MARCHF1: variants seen among roughly 807,000 people sequenced by gnomAD.
MARCHF1 encodes E3 ubiquitin-protein ligase MARCHF1.
Under a neutral mutation model 54.2 loss-of-function variants are expected in MARCHF1, and 40 were observed. The observed-to-expected ratio is 0.74, with a 90% CI of 0.57 to 0.96. The LOEUF (loss-of-function observed/expected upper bound fraction) is 0.96. Ranked by LOEUF, MARCHF1 falls within the 40% of genes least tolerant of loss-of-function variation. The pLI is 0.00. For missense variants in MARCHF1, 586 were observed against 656.5 expected (o/e 0.89, Z 1.17); for synonymous variants, 236 against 236.3 (o/e 1.00, Z 0.01).
chr4:163,579,051 C>T (rs1462909512), intron 8 of MARCHF1, among the ~76,000 whole-genome samples: 1 of 152,120 alleles, frequency 6.6e-6, no homozygotes, highest in South Asian at 2.1e-4. Context: ...TCTGAACAAC[C>T]TACTCTATAA....
At chr4:164,005,414 A>C (rs1022858881) in intron 2 of MARCHF1, among the ~76,000 whole-genome samples, 2 of 152,186 alleles carry the variant, frequency 1.3e-5, no homozygotes, top group African/African-American at 4.8e-5. Context: ...ATACAGCACC[A>C]GGATTTTCAC....
At chr4:163,843,767 A>G (rs1412835526) in intron 4 of MARCHF1, among the ~76,000 whole-genome samples, 2 of 151,348 alleles carry the variant, frequency 1.3e-5, no homozygotes, top group African/African-American at 2.4e-5. Context: ...TTCAGCCCCT[A>G]CTTATAAGTG....
intron 8 of MARCHF1, among the ~76,000 whole-genome samples, chr4:163,582,768 C>CA (rs57140017): frequency 0.47 from 69,882 of 149,968 alleles, 16,433 homozygotes; most frequent in African/African-American, 0.54. Context: ...TTAAAAACTA[C>CA]AAAAAAAAAA....
chr4:163,864,932 T>C (rs906185548), intron 3 of MARCHF1, among the ~76,000 whole-genome samples: 1 of 151,876 alleles, frequency 6.6e-6, no homozygotes, highest in African/African-American at 2.4e-5. Context: ...AAAATAACTA[T>C]GGGAGACTGG....
chr4:163,812,636 T>C (rs1748424715), intron 4 of MARCHF1, among the ~76,000 whole-genome samples: 1 of 152,104 alleles, frequency 6.6e-6, no homozygotes, highest in Non-Finnish European at 1.5e-5. Flanking sequence ...TGCACACTTG[T>C]AATCCCAGCT....
chr4:163,793,956 C>T (rs1258637255), intron 4 of MARCHF1, among the ~76,000 whole-genome samples: 2 of 152,170 alleles, frequency 1.3e-5, no homozygotes, highest in African/African-American at 2.4e-5. Flanking sequence ...GCCCTTCCTT[C>T]TTTAACTCGG....
chr4:163,727,748 T>C (rs190838299), intron 4 of MARCHF1, among the ~76,000 whole-genome samples: 72 of 151,994 alleles, frequency 4.7e-4, no homozygotes, highest in African/African-American at 1.6e-3. Context: ...TCATGGCTCA[T>C]TGCAACCTCA....
chr4:163,836,007 G>A (rs960158586), intron 4 of MARCHF1, among the ~76,000 whole-genome samples: 2 of 151,864 alleles, frequency 1.3e-5, no homozygotes, highest in African/African-American at 2.4e-5. Flanking sequence ...AAAATGAACC[G>A]GACTCAGCTT....
intron 4 of MARCHF1, among the ~76,000 whole-genome samples, chr4:163,801,675 C>G (rs1748084543): frequency 6.6e-6 from 1 of 152,014 alleles, no homozygotes; most frequent in East Asian, 1.9e-4. Context: ...TTTCCCCTTC[C>G]CAGTCAATTC....
chr4:163,741,684 G>T (rs547542818), intron 4 of MARCHF1, among the ~76,000 whole-genome samples: 1 of 152,004 alleles, frequency 6.6e-6, no homozygotes, highest in Non-Finnish European at 1.5e-5. Context: ...TTTCCTTCCC[G>T]TGTCACAGAC....
chr4:163,624,532 T>C (rs779893165), intron 5 of MARCHF1, among the ~76,000 whole-genome samples: 26 of 152,200 alleles, frequency 1.7e-4, no homozygotes, highest in Non-Finnish European at 2.9e-5. Flanking sequence ...TAAAAGTTCT[T>C]GTCCCAGGTT....
chr4:163,947,134 T>A (rs535590852), intron 3 of MARCHF1, among the ~76,000 whole-genome samples: 1 of 152,332 alleles, frequency 6.6e-6, no homozygotes, highest in East Asian at 1.9e-4. Context: ...ATTGGAAAAT[T>A]GTACTTCGTG....
Position 163,833,324 on chromosome 4 carries a change from A to G in MARCHF1, c.111+20697T>C, listed in dbSNP as rs540616124. Among the ~76,000 whole-genome samples, 3 of 152,320 alleles carry G rather than the reference A, an allele frequency of 2.0e-5. No individual in the cohort carries two copies. The South Asian group carries it at 6.2e-4, about 32-fold the overall frequency. ...AGGCATGGGCAAGAACTTCATGTCT[A>G]AAACACCAAAAGCAATGGCAACAAA... is the stretch of plus-strand genomic sequence containing the variant. On this transcript the variant is annotated intron_variant, in intron 4 of 9. Transcript: ENST00000514618.
At chr4:164,064,700 G>A (rs1754690530) in intron 2 of MARCHF1, among the ~76,000 whole-genome samples, 1 of 152,164 alleles carries the variant, frequency 6.6e-6, no homozygotes, top group African/African-American at 2.4e-5. Flanking sequence ...TAGGAGTGGT[G>A]AGAGAAGGCA....
At chr4:163,927,757 G>C (rs1427340155) in intron 3 of MARCHF1, among the ~76,000 whole-genome samples, 1 of 151,696 alleles carries the variant, frequency 6.6e-6, no homozygotes, top group Non-Finnish European at 1.5e-5. Flanking sequence ...TGCACCCAGG[G>C]TTTAATGTGT....
chr4:164,351,414 T>A, intron 1 of MARCHF1, among the ~76,000 whole-genome samples: 1 of 150,706 alleles, frequency 6.6e-6, no homozygotes, highest in Non-Finnish European at 1.5e-5. Flanking sequence ...GCTGGAGATC[T>A]GAGAATGGGC....
At chr4:163,830,583 T>G (rs955407524) in intron 4 of MARCHF1, among the ~76,000 whole-genome samples, 7 of 152,200 alleles carry the variant, frequency 4.6e-5, no homozygotes, top group Non-Finnish European at 8.8e-5. Flanking sequence ...GATTTCCTTG[T>G]AGCTAGGGTT....
chr4:164,333,788 G>A (rs1043945575), intron 1 of MARCHF1, among the ~76,000 whole-genome samples: 7 of 152,192 alleles, frequency 4.6e-5, no homozygotes, highest in African/African-American at 1.4e-4. Context: ...AAAGCCAAGA[G>A]GCCAAACGCT....
chr4:163,539,323 G>A (rs1462655404), intron 9 of MARCHF1, among the ~76,000 whole-genome samples: 1 of 152,058 alleles, frequency 6.6e-6, no homozygotes, highest in African/African-American at 2.4e-5. Flanking sequence ...ACCCAGCCTG[G>A]GATGGTTTTT....
Sources: allele counts gnomAD v4.1 joint callset (sites outside exome capture counted in the v4.1 genomes callset), GRCh38; gene constraint gnomAD v4.1.1; transcripts MANE v1.5; gene names NCBI Gene and HGNC (gene_info 2026-07-23, HGNC 2026-07-21).